GC: variants seen among roughly 807,000 people sequenced by gnomAD.
GC encodes GC vitamin D binding protein.
A neutral mutation model predicts 56.7 loss-of-function variants in GC; 43 were observed. The observed-to-expected ratio is 0.76, with a 90% CI of 0.59 to 0.98. The LOEUF is 0.98. Among genes scored for constraint, GC ranks in the 50% least tolerant of loss-of-function variants. The pLI, the probability that GC is intolerant of heterozygous loss-of-function variation, is 0.00. For synonymous variants in GC, 216 were observed against 202.7 expected, an observed-to-expected ratio of 1.07 and a Z score of -0.56; for missense variants, 529 against 545.9, an observed-to-expected ratio of 0.97 and a Z score of 0.31.
Position 71,755,178 on chromosome 4 carries a change from T to TTTATTTATTTA in GC, c.1035-72_1035-71insTAAATAAATAA. 6 of 56,398 alleles carry TTTATTTATTTA rather than the reference T, an allele frequency of 1.1e-4. No homozygotes were observed. The South Asian group carries it at 2.0e-3, about 19-fold the overall frequency. 3.5% of individuals were successfully genotyped at this position (56,398 alleles called of 1,614,324 possible). A position where few individuals can be genotyped will look rare whatever the true frequency, so the allele number is the denominator to read the frequency against. On this transcript the variant is annotated intron_variant, in intron 8 of 12. Coordinates refer to ENST00000273951, the MANE Select transcript of GC (RefSeq NM_000583.4). ...TATTTATTTATTTATTTATTTATTT[T>TTTATTTATTTA]TTGTGACAGAGTCTCCCTCTGTCAC...
upstream of GC, among the ~76,000 whole-genome samples, chr4:71,787,510 T>A (rs1053338546): frequency 1.3e-5 from 2 of 151,876 alleles, no homozygotes; most frequent in Non-Finnish European, 2.9e-5. Flanking sequence ...CTATTGGTAC[T>A]ACCATATCAA....
intron 11 of GC, among the ~76,000 whole-genome samples, chr4:71,752,022 T>C (rs1403129555): frequency 1.3e-5 from 2 of 152,082 alleles, no homozygotes; most frequent in Non-Finnish European, 2.9e-5. Flanking sequence ...GAAGGTATGA[T>C]ATGACCCCAT....
chr4:71,773,470 C>G (rs532221781), intron 1 of GC, among the ~76,000 whole-genome samples: 9 of 152,078 alleles, frequency 5.9e-5, no homozygotes, highest in African/African-American at 2.2e-4. Context: ...TTACTTTGTG[C>G]CAGGCATTGG....
chr4:71,760,041 G>GTTTT (rs66464250), intron 6 of GC, among the ~76,000 whole-genome samples: 5 of 101,468 alleles, frequency 4.9e-5, no homozygotes, highest in African/African-American at 1.6e-4. Context: ...AAAGAAACTA[G>GTTTT]TTTTTTTTTT....
In GC at chr4:71,767,788, GTA is replaced by G. The variant is rs899548333; in HGVS notation, c.261+511_261+512del. 7.2e-5 allele frequency among the ~76,000 whole-genome samples: 11 copies of G among 151,982 alleles called. No individual in the cohort carries two copies. In the East Asian group the frequency reaches 2.1e-3, roughly 29 times the overall value. ...CGGAGCCGTGTACAGTGTACCTAAT[GTA>G]TAGTTTTTTATCCCTCACCCCCTTC... On this transcript the variant is annotated intron_variant, in intron 3 of 12. Transcript: ENST00000273951.
At chr4:71,751,208 C>T (rs1741544752) in intron 11 of GC, among the ~76,000 whole-genome samples, 1 of 152,110 alleles carries the variant, frequency 6.6e-6, no homozygotes, top group South Asian at 2.1e-4. Flanking sequence ...AAAATACACC[C>T]CTCACCGTGA....
intron 1 of GC, among the ~76,000 whole-genome samples, chr4:71,800,869 A>G (rs1302882221): frequency 6.6e-6 from 1 of 152,228 alleles, no homozygotes; most frequent in Non-Finnish European, 1.5e-5. Context: ...ACATTTTTAG[A>G]ACAAATTAAG....
At chr4:71,798,035 T>A (rs987147694) in intron 1 of GC, among the ~76,000 whole-genome samples, 2 of 152,240 alleles carry the variant, frequency 1.3e-5, no homozygotes, top group African/African-American at 4.8e-5. Context: ...TTCTTCAACC[T>A]TTGTTGTCTC....
rs77668641 is a variant in GC at position 71,745,113 on chromosome 4, C to T, written c.*25+1038G>A. Among the ~76,000 whole-genome samples, 407 of 152,268 alleles carry T rather than the reference C, an allele frequency of 2.7e-3. 3 individuals carry two copies. The highest frequency in any genetic ancestry group is 7.7e-3 in the African/African-American group (319 of 41,564). On this transcript the variant is annotated intron_variant, in intron 12 of 12. Transcript: ENST00000273951. ...TACTGCTTTTTAAATATTTGATATA[C>T]ATCACCTCAATCATTGTAACAACAC...
intron 11 of GC, among the ~76,000 whole-genome samples, chr4:71,746,956 A>G (rs1178134174): frequency 6.6e-6 from 1 of 152,036 alleles, no homozygotes; most frequent in Non-Finnish European, 1.5e-5. Context: ...GCTATAAACC[A>G]GGTGAAAGAT....
chr4:71,751,331 A>T (rs1741548208), intron 11 of GC, among the ~76,000 whole-genome samples: 1 of 152,172 alleles, frequency 6.6e-6, no homozygotes, highest in Non-Finnish European at 1.5e-5. Context: ...AACCTACCTG[A>T]GGTCTCCTCC....
chr4:71,761,279 C>T (rs1405005440), intron 6 of GC, among the ~76,000 whole-genome samples: 1 of 152,066 alleles, frequency 6.6e-6, no homozygotes, highest in Non-Finnish European at 1.5e-5. Flanking sequence ...TGACATTTTG[C>T]CCCGGCCCTG....
rs1742495451 is a variant in GC at position 71,775,971 on chromosome 4, T to G, written c.59-6571A>C. Among the ~76,000 whole-genome samples the G allele has an allele frequency of 3.3e-5, 5 of 152,104 alleles. No homozygotes were observed. The South Asian group carries it at 1.0e-3, about 31-fold the overall frequency. ...CAATGAGATATCACCTCACACCTGT[T>G]AGAATGGCTATTGCCAGAAAGATTG... On this transcript the variant is annotated intron_variant, in intron 1 of 12. Transcript: ENST00000273951.
chr4:71,777,864 C>T (rs368207038), intron 1 of GC, among the ~76,000 whole-genome samples: 6 of 151,318 alleles, frequency 4.0e-5, no homozygotes, highest in East Asian at 2.0e-4. Context: ...GGGAGGGGAA[C>T]ATCACACACT....
At chr4:71,746,772 TAAA>T (rs34865299) in intron 11 of GC, among the ~76,000 whole-genome samples, 2 of 100,644 alleles carry the variant, frequency 2.0e-5, no homozygotes, top group Non-Finnish European at 3.6e-5. Flanking sequence ...CTCTATTTTG[TAAA>T]AAAAAAAAAA....
At chr4:71,787,249 G>A (rs1742863102), upstream of GC, among the ~76,000 whole-genome samples, 1 of 151,810 alleles carries the variant, frequency 6.6e-6, no homozygotes, top group South Asian at 2.1e-4. Flanking sequence ...TGTGCTTAAA[G>A]TTCATAAATT....
At chr4:71,778,164 CA>C (rs1007181699) in intron 1 of GC, among the ~76,000 whole-genome samples, 93 of 151,388 alleles carry the variant, frequency 6.1e-4, no homozygotes, top group African/African-American at 2.0e-3. Flanking sequence ...AATCAGCTTT[CA>C]AAAAAAAGTT....
chr4:71,752,395 A>T (rs968100339), intron 11 of GC, 123 bp downstream of exon 11: 1 of 738,294 alleles, frequency 1.4e-6, no homozygotes, highest in African/African-American at 1.8e-5. Context: ...GCCAAGTTAC[A>T]ATAACACCAG....
chr4:71,787,613 G>T (rs1199202584), upstream of GC, among the ~76,000 whole-genome samples: 2 of 151,862 alleles, frequency 1.3e-5, no homozygotes, highest in Non-Finnish European at 2.9e-5. Context: ...TGAGTTGTGA[G>T]GGTGCAGAGA....
Sources: allele counts gnomAD v4.1 joint callset (sites outside exome capture counted in the v4.1 genomes callset), GRCh38; gene constraint gnomAD v4.1.1; transcripts MANE v1.5; gene names NCBI Gene and HGNC (gene_info 2026-07-23, HGNC 2026-07-21).